The following CTNNA2 variants were observed in gnomAD, a reference collection of about 807,000 sequenced individuals.
CTNNA2 encodes catenin alpha 2.
In CTNNA2, 42 loss-of-function variants were observed where a neutral mutation model predicts 101.0. The observed-to-expected ratio is 0.42, with a 90% CI of 0.32 to 0.54. The LOEUF is 0.54. Ranked by LOEUF, CTNNA2 falls within the 20% of genes least tolerant of loss-of-function variation. The pLI, the probability that CTNNA2 is intolerant of heterozygous loss-of-function variation, is 0.14. For synonymous variants in CTNNA2, 450 were observed against 456.4 expected (o/e 0.99, Z 0.18); for missense variants, 871 against 1,223.1 (o/e 0.71, Z 4.29).
intron 4 of CTNNA2, among the ~76,000 whole-genome samples, chr2:79,390,504 A>AT (rs1248964786): frequency 1.3e-5 from 2 of 152,178 alleles, no homozygotes; most frequent in South Asian, 2.1e-4. Context: ...CCAGACATGA[A>AT]TTTTTTCCAC....
chr2:79,853,639 C>G (rs921321688), intron 3 of CTNNA2, among the ~76,000 whole-genome samples: 1 of 151,006 alleles, frequency 6.6e-6, no homozygotes, highest in Non-Finnish European at 1.5e-5. Context: ...TTCCACATGC[C>G]ATACTTTTCT....
intron 3 of CTNNA2, among the ~76,000 whole-genome samples, chr2:79,341,294 G>T (rs1011406960): frequency 6.6e-6 from 1 of 152,156 alleles, no homozygotes; most frequent in East Asian, 1.9e-4. Context: ...CAATTAAAAT[G>T]CAGTATGATC....
chr2:80,389,170 T>C (rs1232030124), intron 7 of CTNNA2, among the ~76,000 whole-genome samples: 1 of 152,208 alleles, frequency 6.6e-6, no homozygotes, highest in Non-Finnish European at 1.5e-5. Flanking sequence ...TCATTTTTTT[T>C]CCACATCAAA....
chr2:79,674,329 T>G (rs1246228540), intron 2 of CTNNA2, among the ~76,000 whole-genome samples: 1 of 152,194 alleles, frequency 6.6e-6, no homozygotes, highest in Non-Finnish European at 1.5e-5. Flanking sequence ...ATTTTAAGGA[T>G]AAACAGACTG....
At chr2:79,478,544 G>T (rs1440817806) in intron 4 of CTNNA2, among the ~76,000 whole-genome samples, 1 of 152,156 alleles carries the variant, frequency 6.6e-6, no homozygotes, top group Non-Finnish European at 1.5e-5. Flanking sequence ...CCATGATTAG[G>T]TTGGGGGTCA....
intron 1 of CTNNA2, among the ~76,000 whole-genome samples, chr2:79,579,743 T>C (rs1676032136): frequency 6.6e-6 from 1 of 152,162 alleles, no homozygotes; most frequent in African/African-American, 2.4e-5. Context: ...GCCTCCCGAA[T>C]AGCTGGGATT....
chr2:80,141,589 C>T (rs1703013861), intron 7 of CTNNA2, among the ~76,000 whole-genome samples: 1 of 152,048 alleles, frequency 6.6e-6, no homozygotes, highest in Non-Finnish European at 1.5e-5. Context: ...AGGTTTGGGG[C>T]AGACAACATA....
At chr2:80,286,352 A>C (rs1294403858) in intron 7 of CTNNA2, among the ~76,000 whole-genome samples, 3 of 152,036 alleles carry the variant, frequency 2.0e-5, no homozygotes, top group Non-Finnish European at 4.4e-5. Flanking sequence ...AGGAAACACT[A>C]GTCTGGACTC....
intron 7 of CTNNA2, among the ~76,000 whole-genome samples, chr2:79,914,091 C>T (rs1445689719): frequency 2.8e-5 from 4 of 143,556 alleles, no homozygotes; most frequent in South Asian, 4.4e-4. Context: ...GGCGTGAACC[C>T]GGGAGGCGGA....
At chr2:80,309,817 C>T (rs1042444280) in intron 7 of CTNNA2, among the ~76,000 whole-genome samples, 10 of 151,546 alleles carry the variant, frequency 6.6e-5, no homozygotes, top group Admixed American at 4.6e-4. Flanking sequence ...GCCTCAGCCT[C>T]CCAAGTAGCT....
chr2:80,141,865 T>A lies in CTNNA2; in HGVS notation c.1056+232068T>A, dbSNP rs1245329038. Reference sequence around the variant, plus strand: ...GGAACTAAAGATAGCATTTTTTTTTTTTTTTTGAGACAGGGTCTCACTCTA... The same window carrying A: ...GGAACTAAAGATAGCATTTTTTTTTATTTTTTGAGACAGGGTCTCACTCTA... On this transcript the variant is annotated intron_variant, in intron 7 of 18. Coordinates refer to ENST00000402739, the MANE Select transcript of CTNNA2 (RefSeq NM_001282597.3). Among the ~76,000 whole-genome samples the A allele has an allele frequency of 6.1e-4, 93 of 151,968 alleles. 2 individuals are homozygous for A. The highest frequency in any genetic ancestry group is 2.2e-3 in the African/African-American group (92 of 41,502).
intron 7 of CTNNA2, among the ~76,000 whole-genome samples, chr2:80,004,012 G>A (rs939838617): frequency 2.0e-5 from 3 of 152,144 alleles, no homozygotes; most frequent in African/African-American, 4.8e-5. Context: ...TTTCTATAGT[G>A]TAAACTGAGG....
intron 3 of CTNNA2, among the ~76,000 whole-genome samples, chr2:79,801,467 T>G (rs556863091): frequency 6.6e-6 from 1 of 152,290 alleles, no homozygotes; most frequent in African/African-American, 2.4e-5. Flanking sequence ...TGAGGCCCCT[T>G]GACAAATGAA....
At chr2:79,759,023 A>C (rs1228124557) in intron 3 of CTNNA2, among the ~76,000 whole-genome samples, 1 of 152,190 alleles carries the variant, frequency 6.6e-6, no homozygotes, top group African/African-American at 2.4e-5. Context: ...AATTATGGAG[A>C]TGTCAACCCA....
intron 7 of CTNNA2, chr2:80,163,107 C>T (rs1704435686): frequency 1.3e-6 from 2 of 1,579,142 alleles, no homozygotes; most frequent in Non-Finnish European, 8.7e-7. Flanking sequence ...CTTTGGTTTA[C>T]CATCCTTATC....
chr2:79,838,467 A>G (rs1679559535), intron 3 of CTNNA2, among the ~76,000 whole-genome samples: 1 of 152,160 alleles, frequency 6.6e-6, no homozygotes, highest in African/African-American at 2.4e-5. Context: ...CCAAAACAAT[A>G]GGAGGCTATA....
At chr2:79,498,749 G>A (rs556275747) in intron 4 of CTNNA2, among the ~76,000 whole-genome samples, 13 of 152,238 alleles carry the variant, frequency 8.5e-5, no homozygotes, top group South Asian at 2.1e-4. Context: ...GTAGGCTCAC[G>A]TTGTATACTA....
intron 7 of CTNNA2, among the ~76,000 whole-genome samples, chr2:80,102,959 G>A (rs1428342547): frequency 2.0e-5 from 3 of 152,194 alleles, no homozygotes; most frequent in Non-Finnish European, 4.4e-5. Context: ...TGTGACGTGA[G>A]TTCTATTCCA....
intron 18 of CTNNA2, among the ~76,000 whole-genome samples, chr2:80,629,484 T>G (rs1477760460): frequency 6.6e-6 from 1 of 152,180 alleles, no homozygotes; most frequent in Non-Finnish European, 1.5e-5. Flanking sequence ...ATCTGCATTT[T>G]ATTCCTAAAT....
Sources: gnomAD v4.1 joint callset for allele counts (sites outside exome capture counted in the v4.1 genomes callset) on GRCh38, gnomAD v4.1.1 for gene constraint, MANE v1.5 for transcripts, NCBI Gene and HGNC (gene_info 2026-07-23, HGNC 2026-07-21) for gene names.